The following SRD5A2 variants were observed in gnomAD, a reference collection of about 807,000 sequenced individuals.
The protein encoded by SRD5A2 is steroid 5 alpha-reductase 2, also known as 3-oxo-5-alpha-steroid 4-dehydrogenase 2.
In SRD5A2, 30 loss-of-function variants were observed where a neutral mutation model predicts 27.4. The observed-to-expected ratio is 1.10, with a 90% CI of 0.82 to 1.49. The LOEUF (loss-of-function observed/expected upper bound fraction) is 1.49, where lower values mean the gene tolerates loss of function less well. Among genes scored for constraint, SRD5A2 ranks in the 40% most tolerant of loss-of-function variants. SRD5A2 has a pLI of 0.00. For missense variants in SRD5A2, 348 were observed against 323.4 expected (o/e 1.08, Z -0.58); for synonymous variants, 141 against 133.6 (o/e 1.06, Z -0.38).
intron 1 of SRD5A2, among the ~76,000 whole-genome samples, chr2:31,550,034 T>C (rs184402696): frequency 3.5e-4 from 53 of 152,216 alleles, no homozygotes; most frequent in Non-Finnish European, 4.4e-5. Context: ...AGTAAAATTA[T>C]ACAGAATATG....
chr2:31,530,673 G>A (rs1386265013), intron 3 of SRD5A2, among the ~76,000 whole-genome samples: 4 of 152,088 alleles, frequency 2.6e-5, no homozygotes, highest in Non-Finnish European at 5.9e-5. Context: ...ATAAAGGGTT[G>A]TATTTACATC....
the SRD5A2 span, among the ~76,000 whole-genome samples, chr2:31,607,904 T>C: frequency 2.0e-5 from 3 of 151,904 alleles, no homozygotes; most frequent in Non-Finnish European, 4.4e-5. Context: ...GGAGCCCTCA[T>C]GAATAGCATT....
At chr2:31,551,305 T>G (rs1209551051) in intron 1 of SRD5A2, among the ~76,000 whole-genome samples, 3 of 152,068 alleles carry the variant, frequency 2.0e-5, no homozygotes, top group Non-Finnish European at 4.4e-5. Flanking sequence ...TTTTATTACA[T>G]CCCAGAAATT....
At chr2:31,646,487 A>G in the SRD5A2 span, among the ~76,000 whole-genome samples, 1 of 152,174 alleles carries the variant, frequency 6.6e-6, no homozygotes, top group Non-Finnish European at 1.5e-5. Flanking sequence ...AAAAGAGCAC[A>G]GCCCCTCTCT....
chr2:31,638,845 G>T, the SRD5A2 span, among the ~76,000 whole-genome samples: 1 of 151,092 alleles, frequency 6.6e-6, no homozygotes, highest in Non-Finnish European at 1.5e-5. Flanking sequence ...TATATAATTG[G>T]GTCTTGCTTT....
chr2:31,543,275 A>C (rs1666175690), intron 1 of SRD5A2, among the ~76,000 whole-genome samples: 1 of 152,214 alleles, frequency 6.6e-6, no homozygotes, highest in Non-Finnish European at 1.5e-5. Context: ...GCTGCCCTAC[A>C]TCTGCCATGC....
intron 1 of SRD5A2, chr2:31,563,575 G>C (rs1666669223): frequency 1.3e-5 from 2 of 152,200 alleles, no homozygotes; most frequent in South Asian, 4.1e-4. Flanking sequence ...TTCCTGAGTT[G>C]AGAAAACAAA....
intron 1 of SRD5A2, among the ~76,000 whole-genome samples, chr2:31,553,187 A>G (rs549363658): frequency 4.6e-5 from 7 of 152,320 alleles, no homozygotes; most frequent in Non-Finnish European, 7.4e-5. Context: ...AGAAGGAATC[A>G]GTGAACTCAA....
At chr2:31,562,676 G>A (rs985181864) in intron 1 of SRD5A2, among the ~76,000 whole-genome samples, 1 of 152,096 alleles carries the variant, frequency 6.6e-6, no homozygotes, top group Non-Finnish European at 1.5e-5. Flanking sequence ...ATTCCAAAAG[G>A]GAAAAGGAGG....
At position 31,526,181 on chromosome 2, in the gene SRD5A2, T is replaced by C. The variant is rs1665777059; in HGVS notation, c.*15A>G. 1 of 1,551,578 alleles carries C rather than the reference T, an allele frequency of 6.4e-7. No individual in the cohort carries two copies. Among genetic ancestry groups the C allele is most frequent in the Non-Finnish European group, 8.8e-7 (1 of 1,139,108 alleles). ...CAGCATTGTGGGAGCTCTGCTCCTT[T>C]TTAATTTGGTTCCTTTAAAAGATGA... On this transcript the variant is annotated 3_prime_UTR_variant, in exon 5 of 5. Coordinates refer to ENST00000622030, the MANE Select transcript of SRD5A2 (RefSeq NM_000348.4).
chr2:31,574,678 T>C (rs925936509), intron 1 of SRD5A2, among the ~76,000 whole-genome samples: 1 of 152,204 alleles, frequency 6.6e-6, no homozygotes, highest in African/African-American at 2.4e-5. Context: ...GAAAACAATA[T>C]TTACTGCCAA....
intron 4 of SRD5A2, 132 bp downstream of exon 4, chr2:31,529,175 C>T: frequency 7.7e-7 from 1 of 1,299,722 alleles, no homozygotes; most frequent in Non-Finnish European, 1.0e-6. Context: ...ATATGCTAAC[C>T]CAGATTATAG....
the SRD5A2 span, among the ~76,000 whole-genome samples, chr2:31,591,144 C>A: frequency 6.6e-6 from 1 of 152,190 alleles, no homozygotes; most frequent in Non-Finnish European, 1.5e-5. Context: ...TCAGAGTGAA[C>A]AGGCAACATA....
rs780252832 is a variant in SRD5A2 at position 31,533,713 on chromosome 2, A to T, written c.335T>A (p.Ile112Asn). 8 of 1,597,860 alleles carry T rather than the reference A, an allele frequency of 5.0e-6. No individual in the cohort carries two copies. The highest frequency in any genetic ancestry group is 1.3e-5 in the African/African-American group (1 of 74,718). ...NRGRPYPAIL[I>N]LRGTAFCTGN... is the part of the protein sequence containing the mutation. ...AGTGCAGAAGGCAGTGCCTCTGAGAATGAGTATAGCTGGATAAGGCCTCCC... is the reference window on the plus strand; with the variant it reads ...AGTGCAGAAGGCAGTGCCTCTGAGATTGAGTATAGCTGGATAAGGCCTCCC... The change falls in exon 2 of 5, where the codon ATT becomes AAT. Residue 112 changes from isoleucine (I) to asparagine (N), a missense_variant. Transcript: ENST00000622030.
chr2:31,627,434 G>T, the SRD5A2 span, among the ~76,000 whole-genome samples: 5 of 92,370 alleles, frequency 5.4e-5, no homozygotes, highest in African/African-American at 1.7e-4. Context: ...TTGTACGGGG[G>T]TGTGTGTGTG....
chr2:31,638,997 T>G, the SRD5A2 span, among the ~76,000 whole-genome samples: 2 of 152,208 alleles, frequency 1.3e-5, no homozygotes, highest in African/African-American at 4.8e-5. Flanking sequence ...TCTTCCCCCC[T>G]TCTTTTCCTA....
chr2:31,577,858 A>C (rs1666991027), intron 1 of SRD5A2, among the ~76,000 whole-genome samples: 1 of 152,222 alleles, frequency 6.6e-6, no homozygotes, highest in African/African-American at 2.4e-5. Flanking sequence ...AATCCTAAGA[A>C]AATAGATCTA....
the SRD5A2 span, among the ~76,000 whole-genome samples, chr2:31,660,126 AT>A: frequency 2.0e-5 from 3 of 152,042 alleles, no homozygotes; most frequent in Non-Finnish European, 4.4e-5. Flanking sequence ...TACAATTATA[AT>A]TTTTTAAAGT....
chr2:31,610,643 T>C, the SRD5A2 span, among the ~76,000 whole-genome samples: 2 of 151,704 alleles, frequency 1.3e-5, no homozygotes, highest in East Asian at 3.9e-4. Context: ...CCAAAACAAT[T>C]AGACAAGAAA....
Sources: allele counts gnomAD v4.1 joint callset (sites outside exome capture counted in the v4.1 genomes callset), GRCh38; gene constraint gnomAD v4.1.1; transcripts MANE v1.5; gene names NCBI Gene and HGNC (gene_info 2026-07-23, HGNC 2026-07-21).